The following PLEKHB2 variants were observed in gnomAD, a reference collection of about 807,000 sequenced individuals.
The protein encoded by PLEKHB2 is pleckstrin homology domain-containing family B member 2.
Under a neutral mutation model 36.5 loss-of-function variants are expected in PLEKHB2, and 31 were observed. That is an observed-to-expected ratio of 0.85 (90% CI 0.64 to 1.15). The LOEUF (loss-of-function observed/expected upper bound fraction) is 1.15, where lower values mean the gene tolerates loss of function less well. Ranked by LOEUF, PLEKHB2 falls within the 50% of genes most tolerant of loss-of-function variation. The pLI is 0.00. For synonymous variants in PLEKHB2, 119 were observed against 112.0 expected (o/e 1.06, Z -0.39); for missense variants, 262 against 295.3 (o/e 0.89, Z 0.83).
Position 131,147,418 on chromosome 2 carries a change from A to C in PLEKHB2, c.*645A>C, listed in dbSNP as rs1472688503. 1 of 152,272 alleles carries C rather than the reference A, an allele frequency of 6.6e-6. No homozygotes were observed. 9.4% of individuals were successfully genotyped at this position (152,272 alleles called of 1,614,324 possible). A position where few individuals can be genotyped will look rare whatever the true frequency, so the allele number is the denominator to read the frequency against. On this transcript the variant is annotated 3_prime_UTR_variant, in exon 8 of 8. Coordinates refer to ENST00000693505, the MANE Select transcript of PLEKHB2 (RefSeq NM_001100623.2). ...CTGCTGCTGCTCACTTTATTCTTGT[A>C]TGGCTTTGGTAGGCATACTTGGAGA...
chr2:131,121,299 A>G (rs1446571722), intron 2 of PLEKHB2, among the ~76,000 whole-genome samples: 1 of 152,138 alleles, frequency 6.6e-6, no homozygotes, highest in Non-Finnish European at 1.5e-5. Context: ...CTTGTTGTGG[A>G]GTGCAGTGGC....
chr2:131,114,850 A>G (rs1695692108), intron 1 of PLEKHB2, among the ~76,000 whole-genome samples: 1 of 152,126 alleles, frequency 6.6e-6, no homozygotes, highest in Admixed American at 6.6e-5. Context: ...ACTTTCCCAC[A>G]TCTTTCTGTC....
chr2:131,143,190 A>G (rs1057269874), intron 7 of PLEKHB2, among the ~76,000 whole-genome samples: 5 of 152,198 alleles, frequency 3.3e-5, no homozygotes, highest in African/African-American at 1.2e-4. Flanking sequence ...GGCGTATTAA[A>G]TGCATTTTGA....
chr2:131,110,452 C>T (rs1695185670), intron 1 of PLEKHB2, among the ~76,000 whole-genome samples: 3 of 151,828 alleles, frequency 2.0e-5, no homozygotes, highest in African/African-American at 7.3e-5. Flanking sequence ...TCATGGCTTA[C>T]TGTGCTTCTA....
chr2:131,110,642 G>A (rs1346264244), intron 1 of PLEKHB2, among the ~76,000 whole-genome samples: 1 of 152,112 alleles, frequency 6.6e-6, no homozygotes, highest in Non-Finnish European at 1.5e-5. Flanking sequence ...CAAAGTGTTG[G>A]GATTATGCTC....
At chr2:131,145,608 T>TTCTTTTTTTGTGTGTTTGAG (rs1699205514) in intron 7 of PLEKHB2, among the ~76,000 whole-genome samples, 4 of 152,170 alleles carry the variant, frequency 2.6e-5, no homozygotes, top group African/African-American at 9.7e-5. Context: ...GTGCTGGCAT[T>TTCTTTTTTTGTGTGTTTGAG]ACAGGTGTGA....
chr2:131,126,706 G>A lies in PLEKHB2; in HGVS notation c.213G>A (p.Lys71=). 6.2e-7 allele frequency: 1 copy of A among 1,610,114 alleles called. No individual in the cohort carries two copies. The highest frequency in any genetic ancestry group is 8.5e-7 in the Non-Finnish European group (1 of 1,176,348). Reference sequence around the variant, plus strand: ...TAGATACTCAGCCCCCGGATGGAAAGTCAAAAGACTGCATGCTCCAGATTG... The same window carrying A: ...TAGATACTCAGCCCCCGGATGGAAAATCAAAAGACTGCATGCTCCAGATTG... The part of the protein sequence containing the change: ...ECRDTQPPDG[K]SKDCMLQIVC... The change falls in exon 4 of 8, where the codon AAG becomes AAA. Residue 71 remains lysine, a synonymous_variant. Coordinates refer to ENST00000693505, the MANE Select transcript of PLEKHB2 (RefSeq NM_001100623.2).
chr2:131,134,948 A>G (rs1043807498), intron 6 of PLEKHB2, among the ~76,000 whole-genome samples: 1 of 152,158 alleles, frequency 6.6e-6, no homozygotes, highest in Non-Finnish European at 1.5e-5. Flanking sequence ...TGTTAGATTT[A>G]TAAGTGTTTC....
rs767773624 is a variant in PLEKHB2 at position 131,120,872 on chromosome 2, G to A, written c.-8-62G>A. Reference sequence around the variant, plus strand: ...CTGAAGGGGATAAGGATAGAGACTCGGGCCGGACAGGCTATTCTCTTTCTG... The same window carrying A: ...CTGAAGGGGATAAGGATAGAGACTCAGGCCGGACAGGCTATTCTCTTTCTG... On this transcript the variant is annotated intron_variant, in intron 1 of 7. Coordinates refer to ENST00000693505, the MANE Select transcript of PLEKHB2 (RefSeq NM_001100623.2). The A allele has an allele frequency of 4.6e-5, 70 of 1,526,180 alleles. 1 individual carries two copies. Among genetic ancestry groups the A allele is most frequent in the Admixed American group, 4.2e-4 (25 of 59,582 alleles). 94.5% of individuals were successfully genotyped at this position (1,526,180 alleles called of 1,614,324 possible).
Position 131,125,782 on chromosome 2 carries a change from T to C in PLEKHB2, c.67T>C (p.Trp23Arg). Residue 23 changes from tryptophan (W) to arginine (R), a missense_variant, in exon 3 of 8, where the codon TGG becomes CGG. Physicochemically the swap from Trp to Arg is moderately radical, Grantham distance 101 (BLOSUM62 -3). Coordinates refer to ENST00000693505, the MANE Select transcript of PLEKHB2 (RefSeq NM_001100623.2). ...STILKRWKKN[W>R]FDLWSDGHLI... ...TATTTTGAAGCGCTGGAAGAAGAAC[T>C]GGTTTGATCTGTGGTCGGATGGTCA... The C allele has an allele frequency of 6.2e-7, 1 of 1,612,258 alleles. No individual in the cohort carries two copies. Among genetic ancestry groups the C allele is most frequent in the Non-Finnish European group, 8.5e-7 (1 of 1,179,200 alleles).
At chr2:131,127,812 T>G (rs758316978) in intron 4 of PLEKHB2, among the ~76,000 whole-genome samples, 12 of 152,350 alleles carry the variant, frequency 7.9e-5, no homozygotes, top group Middle Eastern at 3.4e-3. Context: ...TCTGGAGTGA[T>G]GCTGATTAAG....
At chr2:131,125,579 C>T (rs1697004979) in intron 2 of PLEKHB2, among the ~76,000 whole-genome samples, 174 bp from the exon 3 acceptor site, 2 of 152,086 alleles carry the variant, frequency 1.3e-5, no homozygotes, top group Non-Finnish European at 2.9e-5. Context: ...GTGGCATGTG[C>T]CTGTAGTCGC....
chr2:131,132,850 C>A, intron 5 of PLEKHB2, 52 bp from the exon 6 acceptor site: 2 of 991,632 alleles, frequency 2.0e-6, no homozygotes, highest in Non-Finnish European at 3.2e-6. Context: ...CAGCATCGAG[C>A]ACACAGCTGC....
At chr2:131,111,466 G>C (rs1223195336) in intron 1 of PLEKHB2, among the ~76,000 whole-genome samples, 1 of 146,790 alleles carries the variant, frequency 6.8e-6, no homozygotes, top group African/African-American at 2.5e-5. Flanking sequence ...TTTTAATTGA[G>C]AGCTCTGAAT....
chr2:131,111,486 T>C (rs1695321453), intron 1 of PLEKHB2, among the ~76,000 whole-genome samples: 1 of 150,212 alleles, frequency 6.7e-6, no homozygotes. Flanking sequence ...TATTTCTTTT[T>C]ATTCTTGTTT....
rs1443096758 is a variant in PLEKHB2, at chr2:131,149,145, A to G, written c.*2372A>G. 3 of 152,208 alleles carry G rather than the reference A, an allele frequency of 2.0e-5. No homozygotes were observed. Among genetic ancestry groups the G allele is most frequent in the Non-Finnish European group, 4.4e-5 (3 of 68,044 alleles). The allele number at this position is 152,208 out of a possible 1,614,324, so 9.4% of individuals were successfully genotyped here. On this transcript the variant is annotated 3_prime_UTR_variant, in exon 8 of 8. Transcript: ENST00000693505. ...TAGATAAGCCTGGAACTTGGCTGTC[A>G]TTAGTGACTTGATCCTGGTATGAAA...
intron 1 of PLEKHB2, among the ~76,000 whole-genome samples, chr2:131,113,559 CTG>C (rs1334326157): frequency 1.3e-5 from 2 of 152,036 alleles, no homozygotes; most frequent in African/African-American, 2.4e-5. Flanking sequence ...GATTGGAAGT[CTG>C]TGTGTTTGCT....
At chr2:131,126,812 A>G (rs893655487) in intron 4 of PLEKHB2, 26 bp downstream of exon 4, 14 of 1,288,878 alleles carry the variant, frequency 1.1e-5, no homozygotes, top group Non-Finnish European at 1.5e-5. Flanking sequence ...TTATGTGTTT[A>G]ATTTAAAAAG....
At chr2:131,114,993 C>G (rs905971931) in intron 1 of PLEKHB2, among the ~76,000 whole-genome samples, 2 of 152,162 alleles carry the variant, frequency 1.3e-5, no homozygotes, top group African/African-American at 4.8e-5. Flanking sequence ...TCTGTTCTCA[C>G]GCTGCTAATA....
Sources: allele counts gnomAD v4.1 joint callset (sites outside exome capture counted in the v4.1 genomes callset), GRCh38; gene constraint gnomAD v4.1.1; transcripts MANE v1.5; gene names NCBI Gene and HGNC (gene_info 2026-07-23, HGNC 2026-07-21).